Variants in TMEM178A observed in about 807,000 individuals in gnomAD.
The protein encoded by TMEM178A is transmembrane protein 178A.
Under a neutral mutation model 29.1 loss-of-function variants are expected in TMEM178A, and 12 were observed. The observed-to-expected ratio is 0.41, with a 90% CI of 0.26 to 0.67. TMEM178A has a LOEUF of 0.67. Among genes scored for constraint, TMEM178A ranks in the 30% least tolerant of loss-of-function variants. The pLI is 0.29. For synonymous variants in TMEM178A, 210 were observed against 187.2 expected, an observed-to-expected ratio of 1.12 and a Z score of -0.99; for missense variants, 366 against 419.1, an observed-to-expected ratio of 0.87 and a Z score of 1.11.
At chr2:39,727,508 T>C in the TMEM178A span, among the ~76,000 whole-genome samples, 1 of 152,258 alleles carries the variant, frequency 6.6e-6, no homozygotes, top group Non-Finnish European at 1.5e-5. Flanking sequence ...ATTTACTTAA[T>C]ATCTAAGTGA....
chr2:39,666,514 T>A, intron 1 of TMEM178A, 140 bp downstream of exon 1: 1 of 532,132 alleles, frequency 1.9e-6, no homozygotes, highest in African/African-American at 2.0e-5. Flanking sequence ...TCCCGCCGCC[T>A]CCAGTCTTTA....
At chr2:39,674,442 C>T (rs1051689743) in intron 1 of TMEM178A, among the ~76,000 whole-genome samples, 2 of 152,220 alleles carry the variant, frequency 1.3e-5, no homozygotes, top group Non-Finnish European at 2.9e-5. Flanking sequence ...TATGTTCTCA[C>T]TGATCATTGG....
At chr2:39,691,716 C>A (rs979972344) in intron 1 of TMEM178A, among the ~76,000 whole-genome samples, 3 of 151,940 alleles carry the variant, frequency 2.0e-5, no homozygotes, top group Non-Finnish European at 4.4e-5. Flanking sequence ...TTCACAGTAG[C>A]CAAATATTCA....
At chr2:39,681,900 A>G (rs1002036272) in intron 1 of TMEM178A, among the ~76,000 whole-genome samples, 1 of 152,300 alleles carries the variant, frequency 6.6e-6, no homozygotes, top group African/African-American at 2.4e-5. Flanking sequence ...ACCTGTCTAC[A>G]GTGGAGATGG....
At chr2:39,707,214 C>A (rs760809918) in intron 3 of TMEM178A, 28 bp downstream of exon 3, 61 of 1,589,292 alleles carry the variant, frequency 3.8e-5, no homozygotes, top group Non-Finnish European at 4.5e-5. Context: ...GGCCGTCTGT[C>A]CCAGCCAAGG....
intron 1 of TMEM178A, among the ~76,000 whole-genome samples, chr2:39,693,288 G>A: frequency 6.6e-6 from 1 of 152,216 alleles, no homozygotes; most frequent in East Asian, 1.9e-4. Flanking sequence ...GTACTATTAA[G>A]ACAACTTTTG....
intron 1 of TMEM178A, among the ~76,000 whole-genome samples, chr2:39,693,432 A>G (rs1195781449): frequency 6.6e-6 from 1 of 152,236 alleles, no homozygotes. Flanking sequence ...CCACATGAGC[A>G]TCCACTGAAT....
chr2:39,665,551 G>C (rs914257194), upstream of TMEM178A: 1 of 170,532 alleles, frequency 5.9e-6, no homozygotes, highest in African/African-American at 2.4e-5. Context: ...TAGGGACAGG[G>C]TTAAGGGGAG....
intron 1 of TMEM178A, among the ~76,000 whole-genome samples, chr2:39,691,653 T>G (rs1671322504): frequency 6.6e-6 from 1 of 152,080 alleles, no homozygotes; most frequent in Non-Finnish European, 1.5e-5. Flanking sequence ...CCAAGGGAAT[T>G]AAAATCAGGA....
chr2:39,702,873 T>A (rs1671851053), intron 1 of TMEM178A, among the ~76,000 whole-genome samples: 1 of 152,192 alleles, frequency 6.6e-6, no homozygotes, highest in African/African-American at 2.4e-5. Flanking sequence ...AACTTTTGAT[T>A]CAGTATATCT....
intron 1 of TMEM178A, among the ~76,000 whole-genome samples, chr2:39,677,501 A>T (rs914863400): frequency 2.6e-5 from 4 of 152,156 alleles, no homozygotes; most frequent in African/African-American, 9.7e-5. Flanking sequence ...GAAATTAAAC[A>T]ATTCTAATTT....
intron 1 of TMEM178A, among the ~76,000 whole-genome samples, chr2:39,678,222 T>C (rs1670711347): frequency 6.6e-6 from 1 of 152,212 alleles, no homozygotes; most frequent in Non-Finnish European, 1.5e-5. Context: ...GCAATTCCAC[T>C]AGTAGGTATA....
chr2:39,699,663 C>T (rs1671697729), intron 1 of TMEM178A, among the ~76,000 whole-genome samples: 1 of 151,868 alleles, frequency 6.6e-6, no homozygotes, highest in Non-Finnish European at 1.5e-5. Context: ...CACTATGTTG[C>T]CCAGGCTGGT....
At chr2:39,710,987 AT>A (rs1672276248) in intron 3 of TMEM178A, among the ~76,000 whole-genome samples, 1 of 152,236 alleles carries the variant, frequency 6.6e-6, no homozygotes, top group Non-Finnish European at 1.5e-5. Context: ...CTGACTGTCG[AT>A]GCACATCTGG....
chr2:39,685,499 G>T (rs1671039588), intron 1 of TMEM178A, among the ~76,000 whole-genome samples: 1 of 152,150 alleles, frequency 6.6e-6, no homozygotes, highest in African/African-American at 2.4e-5. Flanking sequence ...CTCTGTGAGG[G>T]TAGGGCTTTT....
At chr2:39,712,041 T>TTGTGTGTGTGTGTGTGTGTGTGTGTG (rs61303746) in intron 3 of TMEM178A, among the ~76,000 whole-genome samples, 1 of 139,252 alleles carries the variant, frequency 7.2e-6, no homozygotes, top group Non-Finnish European at 1.5e-5. Flanking sequence ...GAATTGCATT[T>TTGTGTGTGTGTGTGTGTGTGTGTGTG]TGTGTGTGTG....
At chr2:39,666,661 C>T (rs1025936113) in intron 1 of TMEM178A, among the ~76,000 whole-genome samples, 5 of 152,186 alleles carry the variant, frequency 3.3e-5, no homozygotes, top group Non-Finnish European at 7.4e-5. Flanking sequence ...CCTTCGCCTC[C>T]CATTCCCCGG....
the TMEM178A span, among the ~76,000 whole-genome samples, chr2:39,735,897 C>T: frequency 2.0e-5 from 3 of 152,210 alleles, no homozygotes; most frequent in Non-Finnish European, 4.4e-5. Context: ...CCCAGGTTTC[C>T]ACACCCTGGC....
intron 1 of TMEM178A, among the ~76,000 whole-genome samples, chr2:39,694,001 A>G (rs1671435401): frequency 1.4e-5 from 2 of 146,678 alleles, no homozygotes; most frequent in South Asian, 4.3e-4. Context: ...GATGATGTTT[A>G]CTATCTCTGA....
Sources: gnomAD v4.1 joint callset for allele counts (sites outside exome capture counted in the v4.1 genomes callset) on GRCh38, gnomAD v4.1.1 for gene constraint, MANE v1.5 for transcripts, NCBI Gene and HGNC (gene_info 2026-07-23, HGNC 2026-07-21) for gene names.